Variants in HS3ST4 observed in about 807,000 individuals in gnomAD.
HS3ST4 encodes heparan sulfate glucosamine 3-O-sulfotransferase 4.
In HS3ST4, 17 loss-of-function variants were observed where a neutral mutation model predicts 29.2. That is an observed-to-expected ratio of 0.58 (90% confidence interval 0.40 to 0.87). The LOEUF is 0.87. Ranked by LOEUF, HS3ST4 falls within the 40% of genes least tolerant of loss-of-function variation. HS3ST4 has a pLI of 0.00. For missense variants in HS3ST4, 627 were observed against 634.5 expected (o/e 0.99, Z 0.13); for synonymous variants, 314 against 285.7 (o/e 1.10, Z -1.00).
chr16:26,102,553 T>C (rs995661993), intron 1 of HS3ST4, among the ~76,000 whole-genome samples: 3 of 152,144 alleles, frequency 2.0e-5, no homozygotes, highest in Admixed American at 6.6e-5. Flanking sequence ...AGCTGTCCCT[T>C]GGGCAACATG....
chr16:25,826,321 A>G (rs1256704837), intron 1 of HS3ST4: 3 of 152,210 alleles, frequency 2.0e-5, no homozygotes, highest in Non-Finnish European at 2.9e-5. Context: ...ACTTGCACCC[A>G]TATTTGGAGT....
At chr16:25,743,947 A>G (rs539183075) in intron 1 of HS3ST4, among the ~76,000 whole-genome samples, 42 of 152,262 alleles carry the variant, frequency 2.8e-4, no homozygotes, top group African/African-American at 9.9e-4. Context: ...CACACATCTC[A>G]GTATTCTCTT....
intron 1 of HS3ST4, among the ~76,000 whole-genome samples, chr16:25,981,957 G>A (rs1050020269): frequency 3.3e-5 from 5 of 152,180 alleles, no homozygotes; most frequent in African/African-American, 1.2e-4. Flanking sequence ...AACAGCTGCA[G>A]TCACTTTCCA....
At chr16:25,720,804 A>G (rs1966487625) in intron 1 of HS3ST4, among the ~76,000 whole-genome samples, 1 of 152,196 alleles carries the variant, frequency 6.6e-6, no homozygotes, top group Non-Finnish European at 1.5e-5. Context: ...TTTAATGAAG[A>G]GGAGTAGTTT....
intron 1 of HS3ST4, among the ~76,000 whole-genome samples, chr16:25,823,817 G>GTC (rs1967187954): frequency 6.6e-6 from 1 of 152,170 alleles, no homozygotes; most frequent in African/African-American, 2.4e-5. Flanking sequence ...GCCTGCCTTG[G>GTC]TCTCTCAAAG....
chr16:25,910,152 A>G (rs938666272), intron 1 of HS3ST4, among the ~76,000 whole-genome samples: 6 of 152,204 alleles, frequency 3.9e-5, no homozygotes, highest in African/African-American at 1.4e-4. Context: ...CATGTAGATT[A>G]AAGGACACAA....
chr16:26,035,330 A>G (rs1969572530), intron 1 of HS3ST4, among the ~76,000 whole-genome samples: 1 of 152,154 alleles, frequency 6.6e-6, no homozygotes, highest in Non-Finnish European at 1.5e-5. Flanking sequence ...CTACTCATGG[A>G]CTGGCAAATT....
rs1407236291 is a variant in HS3ST4 at position 26,099,787 on chromosome 16, A to G, written c.735-35825A>G. Among the ~76,000 whole-genome samples, 3 of 152,294 alleles carry G rather than the reference A, an allele frequency of 2.0e-5. No homozygotes were observed. In the East Asian group the frequency reaches 5.8e-4, roughly 29 times the overall value. On this transcript the variant is annotated intron_variant, in intron 1 of 1. Transcript: ENST00000331351. ...TGGCAGACAATATATAAGTAAACAC[A>G]CAGACATACACATGCACACACACAC...
intron 1 of HS3ST4, among the ~76,000 whole-genome samples, chr16:25,709,266 G>T (rs1966399710): frequency 6.6e-6 from 1 of 152,038 alleles, no homozygotes; most frequent in Admixed American, 6.6e-5. Flanking sequence ...TGTCATCTTT[G>T]TCCTGGAAGT....
intron 1 of HS3ST4, among the ~76,000 whole-genome samples, chr16:25,952,811 G>C (rs937047256): frequency 1.6e-4 from 24 of 152,270 alleles, no homozygotes; most frequent in African/African-American, 5.5e-4. Flanking sequence ...TTCATGGATA[G>C]TGCATTTCTG....
chr16:25,778,713 G>A (rs1966849935), intron 1 of HS3ST4, among the ~76,000 whole-genome samples: 1 of 152,074 alleles, frequency 6.6e-6, no homozygotes, highest in Non-Finnish European at 1.5e-5. Context: ...AGGAGGAGGA[G>A]AAGCAGGAGA....
chr16:25,974,946 T>G (rs1968929391), intron 1 of HS3ST4, among the ~76,000 whole-genome samples: 2 of 152,130 alleles, frequency 1.3e-5, no homozygotes, highest in African/African-American at 4.8e-5. Context: ...AAACTTTCTC[T>G]AATGCTGACT....
intron 1 of HS3ST4, among the ~76,000 whole-genome samples, chr16:25,861,391 C>T (rs959833621): frequency 3.3e-5 from 5 of 152,188 alleles, no homozygotes; most frequent in African/African-American, 1.2e-4. Context: ...TTCTATCCTG[C>T]TTACACTAAT....
At chr16:26,112,421 C>T (rs1401275059) in intron 1 of HS3ST4, among the ~76,000 whole-genome samples, 1 of 130,044 alleles carries the variant, frequency 7.7e-6, no homozygotes, top group Non-Finnish European at 1.6e-5. Context: ...CTAGCTCTGT[C>T]ACCTGGGCTG....
At chr16:26,060,536 GT>G in intron 1 of HS3ST4, among the ~76,000 whole-genome samples, 1 of 152,156 alleles carries the variant, frequency 6.6e-6, no homozygotes, top group East Asian at 1.9e-4. Flanking sequence ...CCTCTACTTG[GT>G]TTTCCATAGC....
chr16:26,039,524 A>G (rs1420396988), intron 1 of HS3ST4, among the ~76,000 whole-genome samples: 1 of 152,188 alleles, frequency 6.6e-6, no homozygotes, highest in Non-Finnish European at 1.5e-5. Context: ...CAGGCATGCA[A>G]TGTGCAATAA....
At chr16:25,848,206 A>C (rs1196692120) in intron 1 of HS3ST4, among the ~76,000 whole-genome samples, 4 of 151,892 alleles carry the variant, frequency 2.6e-5, no homozygotes, top group Non-Finnish European at 5.9e-5. Context: ...TGGCACGATC[A>C]AGGCTCACTG....
At chr16:26,006,280 C>G (rs769492820) in intron 1 of HS3ST4, among the ~76,000 whole-genome samples, 3 of 95,854 alleles carry the variant, frequency 3.1e-5, no homozygotes, top group Non-Finnish European at 5.6e-5. Context: ...GCCTAGGTGA[C>G]AAAGTGAGAC....
intron 1 of HS3ST4, among the ~76,000 whole-genome samples, chr16:25,862,162 CATATTTATTTATTTAT>C (rs1967643983): frequency 9.8e-6 from 1 of 101,628 alleles, no homozygotes; most frequent in Admixed American, 1.1e-4. Context: ...TATTTATTTA[CATATTTATTTATTTAT>C]TTATTTATTT....
Sources: gnomAD v4.1 joint callset for allele counts (sites outside exome capture counted in the v4.1 genomes callset) on GRCh38, gnomAD v4.1.1 for gene constraint, MANE v1.5 for transcripts, NCBI Gene and HGNC (gene_info 2026-07-23, HGNC 2026-07-21) for gene names.